Variants in RARB observed in about 807,000 individuals in gnomAD.
The protein encoded by RARB is retinoic acid receptor beta, also known as HBV-activated protein.
Under a neutral mutation model 51.9 loss-of-function variants are expected in RARB, and 17 were observed. The observed-to-expected ratio is 0.33, with a 90% CI of 0.22 to 0.49. The LOEUF (loss-of-function observed/expected upper bound fraction) is 0.49, where lower values mean the gene tolerates loss of function less well. Among genes scored for constraint, RARB ranks in the 20% least tolerant of loss-of-function variants. The probability of loss-of-function intolerance (pLI) is 0.99; values close to 1 mark genes in which losing one functional copy is unlikely to be tolerated. For synonymous variants in RARB, 215 were observed against 195.4 expected, an observed-to-expected ratio of 1.10 and a Z score of -0.84; for missense variants, 369 against 550.8, an observed-to-expected ratio of 0.67 and a Z score of 3.30.
At chr3:25,092,216 T>C (rs1223663343) in intron 3 of RARB, among the ~76,000 whole-genome samples, 1 of 152,170 alleles carries the variant, frequency 6.6e-6, no homozygotes, top group Non-Finnish European at 1.5e-5. Context: ...ATCCGTTAAG[T>C]GATGGAAAAA....
At chr3:24,922,288 G>C (rs576826313) in intron 2 of RARB, among the ~76,000 whole-genome samples, 17 of 152,156 alleles carry the variant, frequency 1.1e-4, no homozygotes, top group East Asian at 1.9e-4. Flanking sequence ...CTGGCACACA[G>C]AACTGCACGT....
chr3:25,126,453 T>C (rs1699860635), intron 3 of RARB, among the ~76,000 whole-genome samples: 1 of 152,270 alleles, frequency 6.6e-6, no homozygotes, highest in East Asian at 1.9e-4. Context: ...TTTTTTTTTT[T>C]TAAAGGTCAC....
intron 2 of RARB, among the ~76,000 whole-genome samples, chr3:25,009,832 G>A (rs552664990): frequency 6.6e-6 from 1 of 152,188 alleles, no homozygotes; most frequent in South Asian, 2.1e-4. Context: ...AATGACTGCA[G>A]TGTCAGGTTT....
At chr3:24,912,653 A>G (rs1695014547) in intron 2 of RARB, among the ~76,000 whole-genome samples, 1 of 152,174 alleles carries the variant, frequency 6.6e-6, no homozygotes, top group Admixed American at 6.5e-5. Context: ...GGAGGATTTA[A>G]ATAGAAGAAG....
intron 2 of RARB, among the ~76,000 whole-genome samples, chr3:24,987,043 T>A (rs755603345): frequency 6.6e-6 from 1 of 152,184 alleles, no homozygotes; most frequent in Admixed American, 6.5e-5. Context: ...TGTCTTTCTC[T>A]CAAAAAACAA....
chr3:25,461,834 G>C (rs9824936), intron 2 of RARB, among the ~76,000 whole-genome samples: 41,792 of 152,116 alleles, frequency 0.27, 6,252 homozygotes, highest in African/African-American at 0.39. Flanking sequence ...AGCAGCGGTT[G>C]CAGCCAGCCA....
chr3:25,170,598 G>A (rs945107687), intron 4 of RARB, among the ~76,000 whole-genome samples: 4 of 152,096 alleles, frequency 2.6e-5, no homozygotes, highest in Non-Finnish European at 5.9e-5. Context: ...AAATAAATTT[G>A]AATTGTCGAG....
chr3:25,368,210 C>T (rs1706188259), intron 5 of RARB, among the ~76,000 whole-genome samples: 1 of 152,076 alleles, frequency 6.6e-6, no homozygotes, highest in Admixed American at 6.6e-5. Context: ...CAAGTCATAG[C>T]AGAATCCAAA....
intron 4 of RARB, among the ~76,000 whole-genome samples, chr3:25,170,065 G>C (rs1482822869): frequency 6.6e-6 from 1 of 151,482 alleles, no homozygotes; most frequent in Non-Finnish European, 1.5e-5. Flanking sequence ...TCAAGAATGA[G>C]AAGGATAGAG....
Position 25,211,996 on chromosome 3 carries a change from GAT to G in RARB, c.178+37426_178+37427del, listed in dbSNP as rs1393952708. Among the ~76,000 whole-genome samples, 3 of 152,110 alleles carry G rather than the reference GAT, an allele frequency of 2.0e-5. No individual in the cohort carries two copies. In the East Asian group the frequency reaches 5.8e-4, roughly 29 times the overall value. ...TATAAGGTCTATCTGAAGGAAAAGA[GAT>G]ATATTTTACTACCTAAATTTCACTT... On this transcript the variant is annotated intron_variant, in intron 5 of 11. Transcript: ENST00000383772.
chr3:24,864,580 C>G (rs1702814569), intron 2 of RARB, among the ~76,000 whole-genome samples: 1 of 152,222 alleles, frequency 6.6e-6, no homozygotes, highest in African/African-American at 2.4e-5. Context: ...TCAGTTTACT[C>G]TTCAACCTTG....
At chr3:25,489,149 T>C (rs182471025) in intron 2 of RARB, among the ~76,000 whole-genome samples, 22 of 152,246 alleles carry the variant, frequency 1.4e-4, no homozygotes, top group Admixed American at 1.4e-3. Context: ...GAAGCTATAA[T>C]GTGCTAATTG....
chr3:25,242,015 G>A (rs1021708111), intron 5 of RARB, among the ~76,000 whole-genome samples: 1 of 152,222 alleles, frequency 6.6e-6, no homozygotes, highest in African/African-American at 2.4e-5. Flanking sequence ...TAACTGGCGT[G>A]AGATGGTATC....
In RARB at chr3:24,910,813, A is replaced by G. The variant is rs552870864; in HGVS notation, c.-380+52061A>G. 2.0e-5 allele frequency among the ~76,000 whole-genome samples: 3 copies of G among 152,302 alleles called. No homozygotes were observed. The South Asian group carries it at 6.2e-4, about 32-fold the overall frequency. ...ATGTGGAAACCCCAAAATGACATAT[A>G]TTGCTGCTGCTGCATTACACTGGCT... is the stretch of plus-strand genomic sequence containing the variant. On this transcript the variant is annotated intron_variant, in intron 2 of 11. Transcript: ENST00000383772.
At chr3:24,986,200 G>C (rs894426649) in intron 2 of RARB, among the ~76,000 whole-genome samples, 9 of 152,256 alleles carry the variant, frequency 5.9e-5, no homozygotes, top group East Asian at 1.9e-4. Flanking sequence ...ATGTACTAAG[G>C]CTGGAAATAT....
At chr3:25,205,976 C>A (rs940354028) in intron 5 of RARB, among the ~76,000 whole-genome samples, 5 of 152,158 alleles carry the variant, frequency 3.3e-5, no homozygotes, top group Non-Finnish European at 7.4e-5. Flanking sequence ...TTTGGCCCAA[C>A]TGTAGTCTAA....
intron 2 of RARB, among the ~76,000 whole-genome samples, chr3:24,974,902 A>G (rs762666484): frequency 2.6e-5 from 4 of 152,128 alleles, no homozygotes; most frequent in Non-Finnish European, 4.4e-5. Context: ...GATTTTTGCA[A>G]TGATGGAAAT....
At chr3:25,467,018 C>G (rs1345920215) in intron 2 of RARB, among the ~76,000 whole-genome samples, 1 of 152,218 alleles carries the variant, frequency 6.6e-6, no homozygotes, top group Non-Finnish European at 1.5e-5. Flanking sequence ...CACTTCCACA[C>G]TGCTAAAAGA....
chr3:25,216,486 C>A (rs1486990828), intron 5 of RARB, among the ~76,000 whole-genome samples: 2 of 151,536 alleles, frequency 1.3e-5, no homozygotes, highest in East Asian at 3.9e-4. Context: ...AACACAGGAA[C>A]AGAAAACCAA....
Sources: gnomAD v4.1 joint callset for allele counts (sites outside exome capture counted in the v4.1 genomes callset) on GRCh38, gnomAD v4.1.1 for gene constraint, MANE v1.5 for transcripts, NCBI Gene and HGNC (gene_info 2026-07-23, HGNC 2026-07-21) for gene names.